CHSY3: variants seen among roughly 807,000 people sequenced by gnomAD.
CHSY3 encodes N-acetylgalactosaminyl-proteoglycan 3-beta-glucuronosyltransferase 3.
CHSY3 carries 35 observed loss-of-function variants against 67.2 expected under a neutral mutation model. That is an observed-to-expected ratio of 0.52 (90% CI 0.40 to 0.69). CHSY3 has a LOEUF of 0.69. Ranked by LOEUF, CHSY3 falls within the 30% of genes least tolerant of loss-of-function variation. The probability of loss-of-function intolerance (pLI) is 0.00; values close to 1 mark genes in which losing one functional copy is unlikely to be tolerated. For synonymous variants in CHSY3, 474 were observed against 434.7 expected, an observed-to-expected ratio of 1.09 and a Z score of -1.12; for missense variants, 1,069 against 1,138.5, an observed-to-expected ratio of 0.94 and a Z score of 0.88.
chr5:129,999,131 T>C (rs1172101764), intron 2 of CHSY3, among the ~76,000 whole-genome samples: 2 of 151,484 alleles, frequency 1.3e-5, no homozygotes, highest in African/African-American at 4.8e-5. Flanking sequence ...TCCCTTTTTT[T>C]TTTTTTGTTT....
intron 2 of CHSY3, among the ~76,000 whole-genome samples, chr5:130,071,185 T>C (rs1038651563): frequency 1.3e-5 from 2 of 152,104 alleles, no homozygotes; most frequent in African/African-American, 2.4e-5. Flanking sequence ...GAGAGCTTCA[T>C]AAGCACATTT....
intron 2 of CHSY3, among the ~76,000 whole-genome samples, chr5:130,170,747 C>A (rs904838739): frequency 1.3e-5 from 2 of 151,766 alleles, no homozygotes; most frequent in African/African-American, 2.4e-5. Context: ...GTGATGTTGA[C>A]CATTGTTTCA....
chr5:130,068,624 A>G (rs1400615523), intron 2 of CHSY3, among the ~76,000 whole-genome samples: 2 of 152,200 alleles, frequency 1.3e-5, no homozygotes, highest in Non-Finnish European at 2.9e-5. Flanking sequence ...GGTAGAAAAT[A>G]TGAAGCAAGT....
intron 2 of CHSY3, among the ~76,000 whole-genome samples, chr5:129,921,587 A>G (rs996564568): frequency 2.0e-5 from 3 of 152,234 alleles, no homozygotes; most frequent in African/African-American, 4.8e-5. Flanking sequence ...TGGATTAGGG[A>G]GGACTACTGT....
intron 2 of CHSY3, among the ~76,000 whole-genome samples, chr5:130,058,077 T>C (rs897606155): frequency 7.2e-5 from 11 of 152,176 alleles, no homozygotes; most frequent in Non-Finnish European, 1.2e-4. Context: ...AATCTTCCTT[T>C]AAAATCACTC....
At chr5:130,129,090 A>G (rs746858301) in intron 2 of CHSY3, among the ~76,000 whole-genome samples, 5 of 152,130 alleles carry the variant, frequency 3.3e-5, no homozygotes, top group African/African-American at 7.2e-5. Flanking sequence ...AGAAAGTCCT[A>G]TGTGCCAAGT....
At chr5:130,007,417 GA>G (rs1763905938) in intron 2 of CHSY3, among the ~76,000 whole-genome samples, 1 of 152,078 alleles carries the variant, frequency 6.6e-6, no homozygotes, top group African/African-American at 2.4e-5. Context: ...ATAGAGAATG[GA>G]AGGAGGAAGG....
chr5:130,178,475 A>G (rs915181732), intron 2 of CHSY3, among the ~76,000 whole-genome samples: 3 of 151,412 alleles, frequency 2.0e-5, no homozygotes, highest in African/African-American at 7.3e-5. Flanking sequence ...GATGGTCTCC[A>G]TCTCCTGACC....
intron 2 of CHSY3, among the ~76,000 whole-genome samples, chr5:130,117,907 G>A (rs987224749): frequency 1.3e-5 from 2 of 152,130 alleles, no homozygotes; most frequent in Non-Finnish European, 2.9e-5. Flanking sequence ...AATGTTGGAG[G>A]TAGGGCCTGG....
chr5:129,923,339 T>C (rs1760985064), intron 2 of CHSY3, among the ~76,000 whole-genome samples: 1 of 152,118 alleles, frequency 6.6e-6, no homozygotes, highest in Admixed American at 6.6e-5. Context: ...TTGTTGTGTT[T>C]GAGCCATTGG....
chr5:130,182,873 A>AT (rs574890191), intron 2 of CHSY3, among the ~76,000 whole-genome samples: 2 of 149,164 alleles, frequency 1.3e-5, no homozygotes, highest in South Asian at 2.1e-4. Flanking sequence ...CAATGATTTT[A>AT]TTTTTTTCTC....
chr5:130,088,558 G>A (rs573331582), intron 2 of CHSY3, among the ~76,000 whole-genome samples: 40 of 152,126 alleles, frequency 2.6e-4, no homozygotes, highest in African/African-American at 7.5e-4. Flanking sequence ...AAAAGTGGGC[G>A]AAGGACATGA....
intron 2 of CHSY3, among the ~76,000 whole-genome samples, chr5:129,956,075 T>C (rs1263201888): frequency 6.6e-6 from 1 of 152,208 alleles, no homozygotes; most frequent in African/African-American, 2.4e-5. Context: ...GGTTGAAGGT[T>C]CTCTAAAAAG....
chr5:130,151,344 G>A (rs1489797166), intron 2 of CHSY3, among the ~76,000 whole-genome samples: 1 of 152,180 alleles, frequency 6.6e-6, no homozygotes, highest in Non-Finnish European at 1.5e-5. Context: ...CTTGACACAA[G>A]TCCTTTGCCT....
chr5:130,113,993 T>C (rs1561542364), intron 2 of CHSY3, among the ~76,000 whole-genome samples: 1 of 152,304 alleles, frequency 6.6e-6, no homozygotes, highest in East Asian at 1.9e-4. Context: ...TTCTGCTTTA[T>C]GCCAAATCAT....
chr5:130,173,582 T>G (rs1410595333), intron 2 of CHSY3, among the ~76,000 whole-genome samples: 1 of 152,174 alleles, frequency 6.6e-6, no homozygotes, highest in African/African-American at 2.4e-5. Flanking sequence ...AGATCAGATG[T>G]ATCTATTATC....
intron 2 of CHSY3, among the ~76,000 whole-genome samples, chr5:130,020,443 A>T (rs200416192): frequency 2.6e-4 from 2 of 7,732 alleles, no homozygotes; most frequent in African/African-American, 4.8e-4. Context: ...ATATATATAT[A>T]TATATATATA....
At chr5:129,934,890 C>G (rs912241979) in intron 2 of CHSY3, among the ~76,000 whole-genome samples, 1 of 152,072 alleles carries the variant, frequency 6.6e-6, no homozygotes, top group Admixed American at 6.6e-5. Context: ...AACTTAGGAA[C>G]ACTTAGTCTA....
At chr5:130,001,719 T>G (rs1449440796) in intron 2 of CHSY3, 1 of 806,324 alleles carries the variant, frequency 1.2e-6, no homozygotes, top group Non-Finnish European at 1.5e-6. Flanking sequence ...GTAACATTAT[T>G]TTTTAAAGAT....
Sources: gnomAD v4.1 joint callset for allele counts (sites outside exome capture counted in the v4.1 genomes callset) on GRCh38, gnomAD v4.1.1 for gene constraint, MANE v1.5 for transcripts, NCBI Gene and HGNC (gene_info 2026-07-23, HGNC 2026-07-21) for gene names.